The following YWHAE variants were observed in gnomAD, a reference collection of about 807,000 sequenced individuals.
The protein encoded by YWHAE is tyrosine 3-monooxygenase/tryptophan 5-monooxygenase activation protein epsilon.
In YWHAE, 4 loss-of-function variants were observed where a neutral mutation model predicts 30.1. That is an observed-to-expected ratio of 0.13 (90% confidence interval 0.07 to 0.30). YWHAE has a LOEUF of 0.30. Ranked by LOEUF, YWHAE falls within the 10% of genes least tolerant of loss-of-function variation. The pLI is 1.00. For missense variants in YWHAE, 121 were observed against 315.9 expected, an observed-to-expected ratio of 0.38 and a Z score of 4.68; for synonymous variants, 118 against 111.8, an observed-to-expected ratio of 1.06 and a Z score of -0.35.
At chr17:1,370,368 T>C (rs910489583) in intron 1 of YWHAE, among the ~76,000 whole-genome samples, 2 of 151,948 alleles carry the variant, frequency 1.3e-5, no homozygotes, top group African/African-American at 4.8e-5. Context: ...CCTGACCTTG[T>C]GATCCGCCCG....
chr17:1,389,438 A>C (rs2073356316), intron 1 of YWHAE, among the ~76,000 whole-genome samples: 1 of 152,168 alleles, frequency 6.6e-6, no homozygotes, highest in Admixed American at 6.6e-5. Context: ...CTTTAGAATC[A>C]CATTTCACAA....
intron 1 of YWHAE, among the ~76,000 whole-genome samples, chr17:1,381,236 G>A (rs777332786): frequency 2.0e-5 from 3 of 152,054 alleles, no homozygotes; most frequent in Admixed American, 1.3e-4. Context: ...AAATTAGTCC[G>A]GGTGTGGTGG....
intron 5 of YWHAE, among the ~76,000 whole-genome samples, chr17:1,350,016 G>A (rs1403660904): frequency 1.3e-5 from 2 of 150,254 alleles, no homozygotes; most frequent in Non-Finnish European, 3.0e-5. Flanking sequence ...GCAACGGCGC[G>A]ATCTCAGTTG....
In YWHAE at chr17:1,345,450, C is replaced by A; in HGVS notation, c.765G>T (p.Gln255His). ...EALQDVEDENQ is the reference protein window; with the variant it reads ...EALQDVEDENH ...GTTTCTCTTGTTGGCTTATGTCTCACTGATTTTCGTCTTCCACGTCCTGCA... is the reference window on the plus strand; with the variant it reads ...GTTTCTCTTGTTGGCTTATGTCTCAATGATTTTCGTCTTCCACGTCCTGCA... The change falls in exon 6 of 6, where the codon CAG becomes CAT. Residue 255 changes from glutamine to histidine, a missense_variant. Gln to His is a conservative substitution (Grantham distance 24). Around this residue, in one of 2 missense-constraint regions of YWHAE, gnomAD observed 22 missense variants for 26.6 expected, o/e 0.83. Transcript: ENST00000264335. 1 of 1,613,874 alleles carries A rather than the reference C, an allele frequency of 6.2e-7. No individual in the cohort carries two copies. The highest frequency in any genetic ancestry group is 1.1e-5 in the South Asian group (1 of 91,068).
chr17:1,362,243 C>T (rs935685226), intron 2 of YWHAE, among the ~76,000 whole-genome samples: 5 of 152,084 alleles, frequency 3.3e-5, no homozygotes, highest in African/African-American at 1.2e-4. Flanking sequence ...CATGCAGGCA[C>T]GCACACACGC....
chr17:1,358,553 A>G (rs1012685279), intron 4 of YWHAE, among the ~76,000 whole-genome samples: 15 of 151,412 alleles, frequency 9.9e-5, no homozygotes, highest in Non-Finnish European at 1.8e-4. Flanking sequence ...AAAAATTTAA[A>G]AATTGGCCGG....
chr17:1,386,780 G>A (rs1490658618), intron 1 of YWHAE, among the ~76,000 whole-genome samples: 5 of 152,022 alleles, frequency 3.3e-5, no homozygotes, highest in Non-Finnish European at 7.4e-5. Flanking sequence ...TGAAACACCC[G>A]TCTCTACTGA....
intron 1 of YWHAE, among the ~76,000 whole-genome samples, chr17:1,392,872 GACT>G (rs1334539612): frequency 1.3e-5 from 2 of 150,526 alleles, no homozygotes; most frequent in African/African-American, 4.9e-5. Context: ...AAAGTTGTAT[GACT>G]ACATCACTAA....
At chr17:1,348,044 T>C (rs2072555984) in intron 5 of YWHAE, 3 of 970,670 alleles carry the variant, frequency 3.1e-6, no homozygotes, top group Non-Finnish European at 3.7e-6. Context: ...AGAACAATCA[T>C]ATGAAAGCAA....
chr17:1,369,472 TA>T (rs1222302544), intron 1 of YWHAE, among the ~76,000 whole-genome samples: 1 of 152,128 alleles, frequency 6.6e-6, no homozygotes, highest in Non-Finnish European at 1.5e-5. Context: ...ACAGCCTGGG[TA>T]ACAGAGAGAG....
At chr17:1,355,745 A>G (rs748349009) in intron 4 of YWHAE, among the ~76,000 whole-genome samples, 2 of 152,198 alleles carry the variant, frequency 1.3e-5, no homozygotes, top group Non-Finnish European at 2.9e-5. Flanking sequence ...ACTATTTTAC[A>G]AGGAGGAGGC....
At chr17:1,390,710 T>C (rs1346264152) in intron 1 of YWHAE, among the ~76,000 whole-genome samples, 2 of 152,198 alleles carry the variant, frequency 1.3e-5, no homozygotes, top group Admixed American at 1.3e-4. Context: ...CAGTAATGCA[T>C]CTCCTTCAAA....
intron 1 of YWHAE, among the ~76,000 whole-genome samples, chr17:1,393,073 G>A (rs945004845): frequency 5.3e-5 from 8 of 151,612 alleles, no homozygotes; most frequent in Non-Finnish European, 1.2e-4. Context: ...GGGAGTGGTG[G>A]ATCGCGCCAC....
intron 2 of YWHAE, among the ~76,000 whole-genome samples, chr17:1,362,210 T>C (rs539357276): frequency 4.5e-4 from 69 of 152,238 alleles, no homozygotes; most frequent in Middle Eastern, 6.8e-3. Context: ...CCCTTCTGCA[T>C]GCTGCCTATT....
At chr17:1,380,311 G>A (rs2073186847) in intron 1 of YWHAE, among the ~76,000 whole-genome samples, 1 of 151,972 alleles carries the variant, frequency 6.6e-6, no homozygotes, top group African/African-American at 2.4e-5. Flanking sequence ...GAGGTTTCAC[G>A]ATGTTGACCA....
rs377512672 is a variant in YWHAE at position 1,345,521 on chromosome 17, C to G, written c.716-22G>C. 5.6e-6 allele frequency: 9 copies of G among 1,612,316 alleles called. No homozygotes were observed. In the African/African-American group the frequency reaches 9.4e-5, roughly 17 times the overall value. On this transcript the variant is annotated intron_variant, in intron 5 of 5. Coordinates refer to ENST00000264335, the MANE Select transcript of YWHAE (RefSeq NM_006761.5). ...TCACCTGTTAAAAAAGAAAAAAAGTCAATTATTTCGTATTGACTACATTAG... is the reference window on the plus strand; with the variant it reads ...TCACCTGTTAAAAAAGAAAAAAAGTGAATTATTTCGTATTGACTACATTAG...
At chr17:1,351,719 G>A (rs541791451) in intron 5 of YWHAE, among the ~76,000 whole-genome samples, 1 of 152,158 alleles carries the variant, frequency 6.6e-6, no homozygotes, top group Admixed American at 6.6e-5. Context: ...GCAGCCTCAA[G>A]ATCCCCCAAC....
intron 4 of YWHAE, among the ~76,000 whole-genome samples, chr17:1,355,987 T>C (rs1239368211): frequency 1.3e-5 from 2 of 151,958 alleles, no homozygotes; most frequent in South Asian, 2.1e-4. Flanking sequence ...GCTAACACAG[T>C]GAAACCCCGT....
intron 1 of YWHAE, among the ~76,000 whole-genome samples, chr17:1,387,582 T>C (rs2073317877): frequency 1.3e-5 from 2 of 151,968 alleles, no homozygotes; most frequent in South Asian, 2.1e-4. Context: ...AAGTTTGACA[T>C]GTTTTCTCAA....
Sources: allele counts gnomAD v4.1 joint callset (sites outside exome capture counted in the v4.1 genomes callset), GRCh38; gene constraint gnomAD v4.1.1; regional missense constraint gnomAD v4.1.1; transcripts MANE v1.5; gene names NCBI Gene and HGNC (gene_info 2026-07-23, HGNC 2026-07-21).